Variants in SKIC8 observed in about 807,000 individuals in gnomAD.
SKIC8 encodes the protein superkiller complex protein 8.
the SKIC8 span, chr15:78,283,730 CAAAA>C: frequency 1.1e-3 from 351 of 316,940 alleles, no homozygotes; most frequent in Middle Eastern, 2.6e-3. Context: ...TCCCATACTC[CAAAA>C]AAAAAAAAAA....
At chr15:78,290,403 T>C in the SKIC8 span, 1 of 286,944 alleles carries the variant, frequency 3.5e-6, no homozygotes, top group African/African-American at 2.2e-5. Flanking sequence ...GACAGTTTCT[T>C]AAGTGAAAAC....
At chr15:78,286,252 T>C in the SKIC8 span, 1 of 779,310 alleles carries the variant, frequency 1.3e-6, no homozygotes, top group South Asian at 2.0e-5. Flanking sequence ...ATCCTTATAA[T>C]GACCATGAAT....
At chr15:78,297,304 T>G in the SKIC8 span, among the ~76,000 whole-genome samples, 1 of 152,212 alleles carries the variant, frequency 6.6e-6, no homozygotes, top group East Asian at 1.9e-4. Context: ...GTTGAGAACA[T>G]GTGCATCAGG....
the SKIC8 span, among the ~76,000 whole-genome samples, chr15:78,287,205 T>A: frequency 1.6e-3 from 242 of 152,206 alleles, 4 homozygotes; most frequent in African/African-American, 5.7e-3. Context: ...ACAGTGGCAA[T>A]AGAAATCATA....
At chr15:78,288,700 C>A in the SKIC8 span, 1 of 372,792 alleles carries the variant, frequency 2.7e-6, no homozygotes, top group South Asian at 2.4e-5. Flanking sequence ...TAAGGTTGAA[C>A]AAATTAAGGT....
chr15:78,299,394 G>C, the SKIC8 span: 1 of 152,800 alleles, frequency 6.5e-6, no homozygotes, highest in African/African-American at 2.4e-5. Flanking sequence ...GGAACAGCCA[G>C]GGCAAATGGA....
the SKIC8 span, chr15:78,286,229 G>A: frequency 7.9e-6 from 8 of 1,010,910 alleles, no homozygotes; most frequent in African/African-American, 3.2e-5. Flanking sequence ...CAATAAGCTG[G>A]ACCAAATCTG....
the SKIC8 span, chr15:78,288,480 G>A: frequency 8.4e-7 from 1 of 1,186,690 alleles, no homozygotes; most frequent in Admixed American, 2.0e-5. Flanking sequence ...GAGCCACTGA[G>A]TTGAAATGCT....
At chr15:78,295,419 G>A in the SKIC8 span, 3 of 139,856 alleles carry the variant, frequency 2.1e-5, no homozygotes, top group South Asian at 1.1e-4. Context: ...TTTTTTTTTT[G>A]TACAACATCT....
chr15:78,292,480 G>A, the SKIC8 span: 11 of 936,364 alleles, frequency 1.2e-5, no homozygotes, highest in South Asian at 1.6e-4. Flanking sequence ...GGTATTATGT[G>A]AAATACAGTT....
the SKIC8 span, chr15:78,293,282 A>G: frequency 6.2e-7 from 1 of 1,612,924 alleles, no homozygotes; most frequent in African/African-American, 1.3e-5. Context: ...GCTAGAATGG[A>G]AAGTGCTTCA....
At chr15:78,289,432 A>G in the SKIC8 span, among the ~76,000 whole-genome samples, 4 of 148,392 alleles carry the variant, frequency 2.7e-5, no homozygotes, top group African/African-American at 9.8e-5. Flanking sequence ...AAACAAACAA[A>G]AAAACAAAAA....
the SKIC8 span, chr15:78,295,197 T>C: frequency 1.7e-6 from 1 of 580,492 alleles, no homozygotes; most frequent in Non-Finnish European, 3.1e-6. Context: ...CTCCCCTCCT[T>C]CCTACTACCC....
chr15:78,296,431 A>T, the SKIC8 span, among the ~76,000 whole-genome samples: 1 of 152,224 alleles, frequency 6.6e-6, no homozygotes, highest in Admixed American at 6.5e-5. Flanking sequence ...AAAATAAAAA[A>T]AAAAGGATAG....
At chr15:78,295,797 G>T in the SKIC8 span, 1 of 1,313,346 alleles carries the variant, frequency 7.6e-7, no homozygotes, top group South Asian at 1.6e-5. Context: ...AGTTCCCCTT[G>T]ACCAAGAAAA....
the SKIC8 span, chr15:78,286,547 G>C: frequency 1.2e-5 from 2 of 168,286 alleles, no homozygotes; most frequent in African/African-American, 4.7e-5. Context: ...TATGGGGCCA[G>C]TGCTCCCAGT....
the SKIC8 span, chr15:78,291,821 C>G: frequency 1.3e-5 from 2 of 152,178 alleles, no homozygotes; most frequent in African/African-American, 4.8e-5. Flanking sequence ...AGGGGTGTGC[C>G]AGAGAAATGC....
the SKIC8 span, chr15:78,295,659 T>C: frequency 1.9e-6 from 3 of 1,602,868 alleles, no homozygotes; most frequent in African/African-American, 2.7e-5. Context: ...GTTTTTCCCT[T>C]CAACACAGGT....
At chr15:78,289,257 T>C in the SKIC8 span, among the ~76,000 whole-genome samples, 1 of 151,854 alleles carries the variant, frequency 6.6e-6, no homozygotes, top group South Asian at 2.1e-4. Context: ...CTCAAAAATT[T>C]TAAAAACTAG....
Sources: gnomAD v4.1 joint callset for allele counts (sites outside exome capture counted in the v4.1 genomes callset) on GRCh38, gnomAD v4.1.1 for gene constraint, MANE v1.5 for transcripts, NCBI Gene and HGNC (gene_info 2026-07-23, HGNC 2026-07-21) for gene names.